The following NEK11 variants were observed in gnomAD, a reference collection of about 807,000 sequenced individuals.
The protein encoded by NEK11 is NIMA related kinase 11, also known as serine/threonine-protein kinase Nek11.
Under a neutral mutation model 80.7 loss-of-function variants are expected in NEK11, and 72 were observed. That is an observed-to-expected ratio of 0.89 (90% CI 0.74 to 1.08). The LOEUF is 1.08. NEK11 is among the 50% of genes least tolerant of loss of function. The pLI, the probability that NEK11 is intolerant of heterozygous loss-of-function variation, is 0.00. For missense variants in NEK11, 764 were observed against 763.6 expected (o/e 1.00, Z -0.01); for synonymous variants, 251 against 260.7 (o/e 0.96, Z 0.36).
intron 17 of NEK11, among the ~76,000 whole-genome samples, chr3:131,320,061 G>A (rs544860276): frequency 1.3e-5 from 2 of 151,982 alleles, no homozygotes; most frequent in East Asian, 1.9e-4. Flanking sequence ...TAAAACCTGT[G>A]ATTTAATTCT....
At chr3:131,325,176 G>C (rs1297443411) in intron 17 of NEK11, 1 of 152,174 alleles carries the variant, frequency 6.6e-6, no homozygotes, top group Non-Finnish European at 1.5e-5. Context: ...GCAACAACCT[G>C]AAATGTACTT....
intron 14 of NEK11, among the ~76,000 whole-genome samples, chr3:131,216,979 G>A (rs2094859579): frequency 6.6e-6 from 1 of 152,150 alleles, no homozygotes; most frequent in African/African-American, 2.4e-5. Flanking sequence ...AAAAGGGGAT[G>A]AGTCACCAGG....
At chr3:131,311,280 AGC>A (rs2096780092) in intron 17 of NEK11, among the ~76,000 whole-genome samples, 2 of 152,140 alleles carry the variant, frequency 1.3e-5, no homozygotes, top group Admixed American at 6.6e-5. Flanking sequence ...CCTCTCTTGT[AGC>A]TATTTTGAAA....
At chr3:131,349,495 C>T (rs1303441387) in intron 17 of NEK11, 62 bp from the exon 18 acceptor site, 2 of 1,368,962 alleles carry the variant, frequency 1.5e-6, no homozygotes, top group African/African-American at 2.9e-5. Context: ...TTTAAAAGCA[C>T]ATTTTCCTGC....
At chr3:131,104,783 G>A (rs2078931983) in intron 4 of NEK11, among the ~76,000 whole-genome samples, 1 of 152,170 alleles carries the variant, frequency 6.6e-6, no homozygotes, top group South Asian at 2.1e-4. Context: ...TGGTAGCTCT[G>A]CACAGACTCC....
chr3:131,037,188 A>T (rs2065775351), intron 3 of NEK11, among the ~76,000 whole-genome samples: 1 of 150,848 alleles, frequency 6.6e-6, no homozygotes, highest in Non-Finnish European at 1.5e-5. Context: ...AGCTTCGGTC[A>T]CTGAGAAATG....
At position 131,152,709 on chromosome 3, in the gene NEK11, G is replaced by A. The variant is rs138886684; in HGVS notation, c.876G>A (p.Gln292=). The A allele has an allele frequency of 3.7e-6, 6 of 1,604,978 alleles. No individual in the cohort carries two copies. The highest frequency in any genetic ancestry group is 1.7e-5 in the Admixed American group (1 of 59,792). Residue 292 remains glutamine, a splice_region_variant and synonymous_variant, in exon 9 of 18, where the codon CAG becomes CAA. Transcript: ENST00000383366. ...TCCCTTACCTTGATGAGCAGCTACAGGTATTTAAAATGAAAGGGATTCTGG... is the reference window on the plus strand; with the variant it reads ...TCCCTTACCTTGATGAGCAGCTACAAGTATTTAAAATGAAAGGGATTCTGG... ...LKIPYLDEQL[Q]NLMCRYSEMT...
chr3:131,038,173 T>A (rs1438825928), intron 3 of NEK11, among the ~76,000 whole-genome samples: 1 of 152,156 alleles, frequency 6.6e-6, no homozygotes, highest in Non-Finnish European at 1.5e-5. Context: ...TAAAAACAGT[T>A]CAGATTCTCG....
At chr3:131,297,674 C>G (rs2096611281) in intron 17 of NEK11, among the ~76,000 whole-genome samples, 1 of 151,986 alleles carries the variant, frequency 6.6e-6, no homozygotes, top group Admixed American at 6.6e-5. Flanking sequence ...TTAATGAGAT[C>G]CCATTTGTCA....
At position 131,168,887 on chromosome 3, in the gene NEK11, TCTTGTTCACC is replaced by T. The variant is rs770702758; in HGVS notation, c.1236_1245del (p.Cys413ArgfsTer20). On this transcript the variant is annotated frameshift_variant, in exon 13 of 18. Transcript: ENST00000383366. LOFTEE classifies it high-confidence loss of function. ...GGAGGAGCAACCTGAGGGAAGACTT[TCTTGTTCACC>T]CCAGGACGAGGATGAAGAGAGGTGG... is the stretch of plus-strand genomic sequence containing the variant. 4.3e-6 allele frequency: 7 copies of T among 1,613,920 alleles called. No individual in the cohort carries two copies. The South Asian group carries it at 7.7e-5, about 18-fold the overall frequency.
chr3:131,154,120 A>G (rs902929060), intron 9 of NEK11, among the ~76,000 whole-genome samples: 10 of 152,160 alleles, frequency 6.6e-5, no homozygotes, highest in Non-Finnish European at 1.5e-4. Flanking sequence ...GGGGAAGGCT[A>G]GACAGGAGAG....
chr3:131,031,779 G>A (rs78942851), intron 3 of NEK11, among the ~76,000 whole-genome samples: 2,278 of 152,182 alleles, frequency 0.015, 66 homozygotes, highest in African/African-American at 0.051. Flanking sequence ...AGACATGTTT[G>A]TGGAATGAAT....
chr3:131,148,789 G>C (rs1291968467), intron 7 of NEK11, among the ~76,000 whole-genome samples: 1 of 151,540 alleles, frequency 6.6e-6, no homozygotes, highest in Non-Finnish European at 1.5e-5. Context: ...TTGGTGTACA[G>C]ATTATGTCAT....
At chr3:131,271,860 G>A (rs2108652117) in intron 16 of NEK11, among the ~76,000 whole-genome samples, 1 of 151,996 alleles carries the variant, frequency 6.6e-6, no homozygotes, top group African/African-American at 2.4e-5. Context: ...GGAGGCCGAG[G>A]TGGGCGGATC....
intron 17 of NEK11, among the ~76,000 whole-genome samples, chr3:131,341,875 T>C (rs1243535943): frequency 6.6e-6 from 1 of 152,224 alleles, no homozygotes; most frequent in Non-Finnish European, 1.5e-5. Context: ...AATCTTTCAA[T>C]GCCATCATGT....
chr3:131,171,996 C>A (rs539943941), intron 14 of NEK11, among the ~76,000 whole-genome samples: 8 of 152,216 alleles, frequency 5.3e-5, no homozygotes, highest in Admixed American at 6.5e-5. Flanking sequence ...CTAGAAAAAA[C>A]CAGGGGAACC....
chr3:131,270,813 C>T (rs1256580386), intron 16 of NEK11, among the ~76,000 whole-genome samples: 1 of 152,166 alleles, frequency 6.6e-6, no homozygotes, highest in East Asian at 1.9e-4. Context: ...CTGGAAATTG[C>T]TTTGACCTTT....
At chr3:131,297,303 C>G (rs1268613847) in intron 17 of NEK11, among the ~76,000 whole-genome samples, 6 of 152,160 alleles carry the variant, frequency 3.9e-5, no homozygotes, top group African/African-American at 1.4e-4. Flanking sequence ...TCCTATTTCT[C>G]CAAATCCTCT....
chr3:131,052,006 A>G (rs2068493750), intron 3 of NEK11, among the ~76,000 whole-genome samples: 1 of 152,022 alleles, frequency 6.6e-6, no homozygotes, highest in South Asian at 2.1e-4. Context: ...AAAGGTAACC[A>G]CTGTTAAGAG....
Sources: allele counts gnomAD v4.1 joint callset (sites outside exome capture counted in the v4.1 genomes callset), GRCh38; gene constraint gnomAD v4.1.1; transcripts MANE v1.5; gene names NCBI Gene and HGNC (gene_info 2026-07-23, HGNC 2026-07-21).